Variants in NR4A1 observed in about 807,000 individuals in gnomAD.
NR4A1 encodes the protein nuclear receptor subfamily 4immunitygroup A member 1.
Under a neutral mutation model 47.5 loss-of-function variants are expected in NR4A1, and 24 were observed. The observed-to-expected ratio is 0.50, with a 90% CI of 0.37 to 0.71. NR4A1 has a LOEUF of 0.71. Among genes scored for constraint, NR4A1 ranks in the 30% least tolerant of loss-of-function variants. The pLI is 0.00. For missense variants in NR4A1, 669 were observed against 788.6 expected (o/e 0.85, Z 1.82); for synonymous variants, 353 against 345.7 (o/e 1.02, Z -0.24).
upstream of NR4A1, among the ~76,000 whole-genome samples, chr12:52,049,787 G>C (rs994156375): frequency 1.3e-5 from 2 of 152,180 alleles, no homozygotes; most frequent in African/African-American, 4.8e-5. Context: ...GTGGCAGGCA[G>C]GGGGTGCAGA....
chr12:52,041,928 TG>T lies in NR4A1; in HGVS notation c.37+1del. ...CCAAGGCCTGTTGGTCCATCCAGAG[TG>T]GTAAGTGCTCTGCTATTGTCCTTTG... On this transcript the variant is annotated frameshift_variant and splice_region_variant, in exon 2 of 8. Coordinates refer to the NR4A1 transcript ENST00000360284. LOFTEE classifies it high-confidence loss of function. 7.0e-7 allele frequency: 1 copy of T among 1,436,048 alleles called. No homozygotes were observed. The highest frequency in any genetic ancestry group is 1.6e-5 in the South Asian group (1 of 62,852). 89.0% of individuals were successfully genotyped at this position (1,436,048 alleles called of 1,614,324 possible). A position where few individuals can be genotyped will look rare whatever the true frequency, so the allele number is the denominator to read the frequency against.
At chr12:52,051,312 C>A, upstream of NR4A1, 2 of 770,360 alleles carry the variant, frequency 2.6e-6, no homozygotes, top group Non-Finnish European at 3.2e-6. Context: ...CTGGCCGCCT[C>A]CCGCCGGAAC....
intron 4 of NR4A1, 30 bp downstream of exon 4, chr12:52,056,675 G>C (rs1287118198): frequency 1.6e-5 from 25 of 1,526,260 alleles, no homozygotes; most frequent in Admixed American, 2.3e-5. Context: ...CTGCCTTGGG[G>C]AGGTCTATGA....
intron 2 of NR4A1, among the ~76,000 whole-genome samples, chr12:52,046,280 C>T (rs528743619): frequency 6.6e-6 from 1 of 152,294 alleles, no homozygotes; most frequent in African/African-American, 2.4e-5. Flanking sequence ...TCACTTGGGG[C>T]CTGCCCTGGG....
At chr12:52,026,553 G>A (rs1052780299) in intron 1 of NR4A1, among the ~76,000 whole-genome samples, 1 of 152,164 alleles carries the variant, frequency 6.6e-6, no homozygotes, top group Non-Finnish European at 1.5e-5. Context: ...TCGCTGTCCC[G>A]TTCTACACAA....
At chr12:52,058,144 G>GTC (rs1939371226) in intron 6 of NR4A1, among the ~76,000 whole-genome samples, 1 of 152,230 alleles carries the variant, frequency 6.6e-6, no homozygotes, top group Non-Finnish European at 1.5e-5. Context: ...ACTTCTGACA[G>GTC]TGCAGATCAG....
Position 52,054,917 on chromosome 12 carries a change from G to GGCCCCA in NR4A1, c.599_604dup (p.Pro200_Ser201dup), listed in dbSNP as rs1162475157. 4 of 1,613,992 alleles carry GGCCCCA rather than the reference G, an allele frequency of 2.5e-6. No homozygotes were observed. The highest frequency in any genetic ancestry group is 3.4e-6 in the Non-Finnish European group (4 of 1,180,022). On this transcript the variant is annotated inframe_insertion, in exon 2 of 7. Coordinates refer to ENST00000394825, the MANE Select transcript of NR4A1 (RefSeq NM_173157.3). ...CTTCTTTTCCTTCAGTCCTCCCACC[G>GGCCCCA]GCCCCAGCCCCAGCCTGGCCCAGAG...
intron 3 of NR4A1, 151 bp from the exon 4 acceptor site, chr12:52,056,343 A>AGG: frequency 7.4e-7 from 1 of 1,357,332 alleles, no homozygotes; most frequent in Non-Finnish European, 1.0e-6. Context: ...GGGTGGTGGC[A>AGG]GGGGGAGGTT....
chr12:52,030,444 T>G (rs1938096731), intron 1 of NR4A1, among the ~76,000 whole-genome samples: 1 of 152,244 alleles, frequency 6.6e-6, no homozygotes, highest in Non-Finnish European at 1.5e-5. Flanking sequence ...TGTATTATTT[T>G]TTGAGACGGA....
intron 1 of NR4A1, among the ~76,000 whole-genome samples, chr12:52,028,202 CAAAAAAAAAA>C (rs34072500): frequency 2.9e-4 from 18 of 61,778 alleles, no homozygotes; most frequent in East Asian, 9.9e-4. Context: ...ACCCTGTCTC[CAAAAAAAAAA>C]AAAAAAAAAA....
At chr12:52,040,597 C>A (rs890806999) in intron 1 of NR4A1, among the ~76,000 whole-genome samples, 5 of 152,208 alleles carry the variant, frequency 3.3e-5, no homozygotes, top group African/African-American at 1.2e-4. Context: ...CCTCCCTTCC[C>A]TCCTTGTCTC....
In NR4A1 at chr12:52,038,899, C is replaced by T. The variant is rs901157772; in HGVS notation, c.-83-2911C>T. ...GCCCAGGGACCCAGGCCCTTAGCTT[C>T]TGCCCTGCTCTCTGGATGGAGGCTG... is the stretch of plus-strand genomic sequence containing the variant. On this transcript the variant is annotated intron_variant, in intron 1 of 7. Coordinates refer to the NR4A1 transcript ENST00000360284. 1.3e-5 allele frequency: 8 copies of T among 615,684 alleles called. No individual in the cohort carries two copies. The African/African-American group carries it at 1.5e-4, about 11-fold the overall frequency. The allele number at this position is 615,684 out of a possible 1,614,324, so 38.1% of individuals were successfully genotyped here.
At position 52,059,288 on chromosome 12, in the gene NR4A1, A is replaced by T. The variant is rs966145198; in HGVS notation, c.*344A>T. The T allele has an allele frequency of 4.5e-6, 1 of 223,886 alleles. No homozygotes were observed. Among genetic ancestry groups the T allele is most frequent in the Non-Finnish European group, 8.7e-6 (1 of 115,406 alleles). The allele number at this position is 223,886 out of a possible 1,614,324, so 13.9% of individuals were successfully genotyped here. A position where few individuals can be genotyped will look rare whatever the true frequency, so the allele number is the denominator to read the frequency against. On this transcript the variant is annotated 3_prime_UTR_variant, in exon 7 of 7. Coordinates refer to ENST00000394825, the MANE Select transcript of NR4A1 (RefSeq NM_173157.3). ...TTGAGGTGGGAGCGGGGCTGGGAGGAAGGGATGGGCCCCGCCTTCCTGGGC... is the reference window on the plus strand; with the variant it reads ...TTGAGGTGGGAGCGGGGCTGGGAGGTAGGGATGGGCCCCGCCTTCCTGGGC...
Position 52,054,626 on chromosome 12 carries a change from T to C in NR4A1, c.298T>C (p.Ser100Pro). Residue 100 changes from serine (S) to proline (P), a missense_variant, in exon 2 of 7, where the codon TCC (serine) becomes CCC (proline). Physicochemically the swap from Ser to Pro is moderately conservative, Grantham distance 74 (BLOSUM62 -1). Transcript: ENST00000394825. ...CTCAGCCACCTCCCCTGCCTCTGCC[T>C]CCTTCAAGTTCGAGGACTTCCAGGT... ...SSSATSPASASFKFEDFQVYG... is the reference protein window; with the variant it reads ...SSSATSPASAPFKFEDFQVYG... 6.2e-7 allele frequency: 1 copy of C among 1,614,134 alleles called. No homozygotes were observed.
At chr12:52,050,859 T>A (rs1938887445), upstream of NR4A1, among the ~76,000 whole-genome samples, 1 of 152,136 alleles carries the variant, frequency 6.6e-6, no homozygotes, top group Admixed American at 6.5e-5. Context: ...GCCCGCGGCC[T>A]GTCCTGACCG....
chr12:52,054,861 C>T lies in NR4A1; in HGVS notation c.533C>T (p.Pro178Leu). 6.2e-7 allele frequency: 1 copy of T among 1,614,068 alleles called. No individual in the cohort carries two copies. Among genetic ancestry groups the T allele is most frequent in the South Asian group, 1.1e-5 (1 of 91,086 alleles). Residue 178 changes from proline to leucine, a missense_variant, in exon 2 of 7, where the codon CCC becomes CTC. By Grantham distance (98) the Pro-to-Leu change is moderately conservative. Coordinates refer to ENST00000394825, the MANE Select transcript of NR4A1 (RefSeq NM_173157.3). The part of the protein sequence containing the change: ...EGLRAWTEQL[P>L]KASGPPQPPA... ...CTGCGGGCATGGACAGAGCAGCTGC[C>T]CAAAGCCTCTGGGCCCCCACAGCCT...
chr12:52,024,504 G>C (rs893311167), intron 1 of NR4A1, among the ~76,000 whole-genome samples: 4 of 152,108 alleles, frequency 2.6e-5, no homozygotes, highest in African/African-American at 4.8e-5. Context: ...AGACCAACCT[G>C]AGCAACATAG....
intron 1 of NR4A1, among the ~76,000 whole-genome samples, chr12:52,033,804 C>T (rs539253449): frequency 1.2e-4 from 19 of 152,346 alleles, no homozygotes; most frequent in Non-Finnish European, 2.2e-4. Context: ...AGTTCTTGAT[C>T]CTCAAGAAGA....
intron 1 of NR4A1, among the ~76,000 whole-genome samples, chr12:52,031,388 A>G (rs1459331176): frequency 6.6e-6 from 1 of 151,330 alleles, no homozygotes; most frequent in South Asian, 2.1e-4. Flanking sequence ...TGTAATCTCA[A>G]CACTTTGGGA....
Sources: gnomAD v4.1 joint callset for allele counts (sites outside exome capture counted in the v4.1 genomes callset) on GRCh38, gnomAD v4.1.1 for gene constraint, MANE v1.5 for transcripts, NCBI Gene and HGNC (gene_info 2026-07-23, HGNC 2026-07-21) for gene names.